ANO10: variants seen among roughly 807,000 people sequenced by gnomAD.
The protein encoded by ANO10 is anoctamin-10.
Under a neutral mutation model 74.7 loss-of-function variants are expected in ANO10, and 77 were observed. That is an observed-to-expected ratio of 1.03 (90% CI 0.86 to 1.25). The LOEUF is 1.25. Ranked by LOEUF, ANO10 falls within the 50% of genes most tolerant of loss-of-function variation. The pLI is 0.00. For synonymous variants in ANO10, 279 were observed against 284.9 expected (o/e 0.98, Z 0.21); for missense variants, 721 against 778.1 (o/e 0.93, Z 0.87).
At chr3:43,423,805 G>A (rs919034530) in intron 12 of ANO10, among the ~76,000 whole-genome samples, 4 of 152,164 alleles carry the variant, frequency 2.6e-5, no homozygotes, top group Non-Finnish European at 4.4e-5. Flanking sequence ...AAGAGACACT[G>A]GCACATGCAA....
intron 11 of ANO10, among the ~76,000 whole-genome samples, chr3:43,437,919 T>A (rs568967332): frequency 1.4e-3 from 203 of 141,246 alleles, no homozygotes; most frequent in Non-Finnish European, 2.4e-3. Context: ...AGAAACACAA[T>A]AATTCTTCAG....
intron 11 of ANO10, among the ~76,000 whole-genome samples, chr3:43,498,796 G>T (rs142025471): frequency 1.3e-3 from 193 of 152,238 alleles, no homozygotes; most frequent in African/African-American, 4.5e-3. Flanking sequence ...CAGCAGGTAG[G>T]GTAAGAGGGG....
chr3:43,612,297 C>G (rs2082872734), intron 1 of ANO10, among the ~76,000 whole-genome samples: 1 of 151,454 alleles, frequency 6.6e-6, no homozygotes, highest in Non-Finnish European at 1.5e-5. Flanking sequence ...TCTTTGCAAT[C>G]TGTCTCTAGT....
intron 1 of ANO10, among the ~76,000 whole-genome samples, chr3:43,615,026 T>C (rs2083028534): frequency 6.6e-6 from 1 of 151,228 alleles, no homozygotes; most frequent in South Asian, 2.1e-4. Context: ...TGGAGAGATT[T>C]CCTGACACAT....
chr3:43,682,759 T>C (rs914631796), intron 1 of ANO10, among the ~76,000 whole-genome samples: 86 of 152,326 alleles, frequency 5.6e-4, no homozygotes, highest in African/African-American at 1.9e-3. Context: ...ATCCCTGGGA[T>C]GGAAGGCTAG....
At chr3:43,422,036 T>C (rs1026582610) in intron 12 of ANO10, among the ~76,000 whole-genome samples, 9 of 152,370 alleles carry the variant, frequency 5.9e-5, no homozygotes, top group African/African-American at 1.9e-4. Flanking sequence ...TTGACCATCA[T>C]GGCAATGCAA....
intron 1 of ANO10, among the ~76,000 whole-genome samples, chr3:43,610,616 A>T (rs192120651): frequency 7.7e-4 from 118 of 152,346 alleles, no homozygotes; most frequent in African/African-American, 2.5e-3. Flanking sequence ...TATGGAACCA[A>T]CATATATGCA....
chr3:43,505,927 C>T (rs1033129000), intron 11 of ANO10, among the ~76,000 whole-genome samples: 3 of 151,960 alleles, frequency 2.0e-5, no homozygotes, highest in African/African-American at 7.3e-5. Flanking sequence ...TGCCTTGTTT[C>T]TCGGAACAGC....
At chr3:43,643,819 G>A (rs1018799976) in intron 1 of ANO10, among the ~76,000 whole-genome samples, 5 of 151,310 alleles carry the variant, frequency 3.3e-5, no homozygotes, top group Admixed American at 3.3e-4. Flanking sequence ...GAGTAGCTCG[G>A]ACTACAGGCA....
intron 12 of ANO10, among the ~76,000 whole-genome samples, chr3:43,396,047 C>G (rs897066128): frequency 2.0e-5 from 3 of 151,796 alleles, no homozygotes; most frequent in East Asian, 1.9e-4. Context: ...CCTTTCTATT[C>G]TGAATGCCTT....
chr3:43,524,526 A>G (rs1405666368), intron 11 of ANO10, among the ~76,000 whole-genome samples: 1 of 152,054 alleles, frequency 6.6e-6, no homozygotes, highest in Non-Finnish European at 1.5e-5. Flanking sequence ...TTCCCTCCCC[A>G]AGTACCCTGT....
chr3:43,462,586 C>T (rs550940523), intron 11 of ANO10, among the ~76,000 whole-genome samples: 3 of 152,266 alleles, frequency 2.0e-5, no homozygotes, highest in African/African-American at 7.2e-5. Context: ...AATTTGCAGC[C>T]TGACAATGTG....
intron 11 of ANO10, among the ~76,000 whole-genome samples, chr3:43,514,448 T>C (rs1361353841): frequency 2.0e-5 from 3 of 151,940 alleles, no homozygotes; most frequent in African/African-American, 2.4e-5. Context: ...AACAATTATA[T>C]ACCAAATGAC....
chr3:43,633,894 TA>T (rs1045688019), intron 1 of ANO10, among the ~76,000 whole-genome samples: 149 of 119,608 alleles, frequency 1.2e-3, no homozygotes, highest in African/African-American at 1.2e-3. Context: ...GCATCGTAGC[TA>T]AAAAAAAAAA....
chr3:43,685,105 T>C (rs1222915854), intron 1 of ANO10, among the ~76,000 whole-genome samples: 1 of 152,142 alleles, frequency 6.6e-6, no homozygotes. Flanking sequence ...ATAAAGATTG[T>C]TTATTTTATC....
chr3:43,398,839 A>C (rs2092429124), intron 12 of ANO10, among the ~76,000 whole-genome samples: 1 of 152,106 alleles, frequency 6.6e-6, no homozygotes, highest in South Asian at 2.1e-4. Flanking sequence ...TATCTCATAG[A>C]GTTTTTTGAG....
Position 43,500,043 on chromosome 3 carries a change from C to T in ANO10, c.1797+49677G>A, listed in dbSNP as rs376766652. 3.3e-5 allele frequency among the ~76,000 whole-genome samples: 5 copies of T among 152,100 alleles called. No homozygotes were observed. In the South Asian group the frequency reaches 6.2e-4, roughly 19 times the overall value. On this transcript the variant is annotated intron_variant, in intron 11 of 12. Coordinates refer to ENST00000292246, the MANE Select transcript of ANO10 (RefSeq NM_018075.5). ...GGTATTTTTAGTAGAGACAGGGTTTCGTCATGTTGGCCGGGCTGCTCTTGA... is the reference window on the plus strand; with the variant it reads ...GGTATTTTTAGTAGAGACAGGGTTTTGTCATGTTGGCCGGGCTGCTCTTGA...
intron 1 of ANO10, among the ~76,000 whole-genome samples, chr3:43,683,607 A>G (rs1194320698): frequency 6.6e-6 from 1 of 152,226 alleles, no homozygotes; most frequent in African/African-American, 2.4e-5. Flanking sequence ...ACCAAAAAAG[A>G]GCCTGCATTG....
At chr3:43,473,425 T>G (rs1263999410) in intron 11 of ANO10, among the ~76,000 whole-genome samples, 1 of 152,132 alleles carries the variant, frequency 6.6e-6, no homozygotes, top group Non-Finnish European at 1.5e-5. Flanking sequence ...ATAAAGCTGG[T>G]CTGGAATGCT....
Sources: allele counts gnomAD v4.1 joint callset (sites outside exome capture counted in the v4.1 genomes callset), GRCh38; gene constraint gnomAD v4.1.1; transcripts MANE v1.5; gene names NCBI Gene and HGNC (gene_info 2026-07-23, HGNC 2026-07-21).